RAB38: variants seen among roughly 807,000 people sequenced by gnomAD.
RAB38 encodes RAB38, member RAS oncogene family, also known as ras-related protein Rab-38.
Under a neutral mutation model 18.4 loss-of-function variants are expected in RAB38, and 15 were observed. The ratio of observed to expected loss-of-function variants is 0.82; its 90% CI spans 0.55 to 1.26. The LOEUF (loss-of-function observed/expected upper bound fraction) is 1.26. Ranked by LOEUF, RAB38 falls within the 50% of genes most tolerant of loss-of-function variation. The probability of loss-of-function intolerance (pLI) is 0.00; values close to 1 mark genes in which losing one functional copy is unlikely to be tolerated. For synonymous variants in RAB38, 101 were observed against 104.4 expected (o/e 0.97, Z 0.20); for missense variants, 294 against 267.4 (o/e 1.10, Z -0.69).
chr11:88,133,472 C>A (rs1176050071), intron 2 of RAB38, among the ~76,000 whole-genome samples: 1 of 152,110 alleles, frequency 6.6e-6, no homozygotes, highest in African/African-American at 2.4e-5. Flanking sequence ...CTACTATGCT[C>A]TTTAAGTTAG....
chr11:87,959,568 T>C, the RAB38 span, among the ~76,000 whole-genome samples: 4 of 152,226 alleles, frequency 2.6e-5, no homozygotes, highest in African/African-American at 9.6e-5. Flanking sequence ...CAACAGCTCC[T>C]GAATTTGTAT....
chr11:88,137,277 A>C (rs755949441), intron 2 of RAB38, among the ~76,000 whole-genome samples: 20 of 152,226 alleles, frequency 1.3e-4, no homozygotes, highest in African/African-American at 7.2e-5. Flanking sequence ...GGGACCATCA[A>C]CATAAAATAG....
the RAB38 span, among the ~76,000 whole-genome samples, chr11:87,833,795 A>G: frequency 1.3e-5 from 2 of 152,218 alleles, no homozygotes; most frequent in African/African-American, 4.8e-5. Flanking sequence ...CTAATGAGGT[A>G]TGCATGTGTT....
chr11:87,977,348 T>A, the RAB38 span, among the ~76,000 whole-genome samples: 2 of 118,764 alleles, frequency 1.7e-5, no homozygotes, highest in Non-Finnish European at 3.2e-5. Flanking sequence ...TAAAATTATA[T>A]ATTATATAAG....
the RAB38 span, among the ~76,000 whole-genome samples, chr11:87,922,057 C>T: frequency 0.088 from 13,407 of 151,970 alleles, 1,522 homozygotes; most frequent in African/African-American, 0.27. Context: ...AAACATATAC[C>T]AAGTGAGAAT....
At chr11:88,163,057 C>T (rs1189775859) in intron 1 of RAB38, among the ~76,000 whole-genome samples, 1 of 152,148 alleles carries the variant, frequency 6.6e-6, no homozygotes, top group Non-Finnish European at 1.5e-5. Context: ...CACTGACTAA[C>T]TGGATCATTC....
At chr11:87,971,514 G>T in the RAB38 span, among the ~76,000 whole-genome samples, 8 of 152,180 alleles carry the variant, frequency 5.3e-5, no homozygotes, top group Non-Finnish European at 1.0e-4. Context: ...CTCCCTTCCC[G>T]TCACACCTGT....
Position 88,113,872 on chromosome 11 carries a change from C to T in RAB38, c.*116G>A. On this transcript the variant is annotated 3_prime_UTR_variant, in exon 3 of 3. Coordinates refer to ENST00000243662, the MANE Select transcript of RAB38 (RefSeq NM_022337.3). The stretch of plus-strand genomic sequence containing the variant: ...TCACTGAAAAAACAGAGGCATAGAT[C>T]TTTGGCTTGCCACATGTGGTATCTC... The T allele has an allele frequency of 3.2e-6, 4 of 1,246,708 alleles. No individual in the cohort carries two copies. Among genetic ancestry groups the T allele is most frequent in the South Asian group, 1.4e-5 (1 of 71,658 alleles). 77.2% of individuals were successfully genotyped at this position (1,246,708 alleles called of 1,614,324 possible).
intron 2 of RAB38, among the ~76,000 whole-genome samples, chr11:88,148,936 T>A (rs980254119): frequency 1.3e-5 from 2 of 152,116 alleles, no homozygotes; most frequent in African/African-American, 4.8e-5. Flanking sequence ...TTTTTTCTCC[T>A]GTGATACTGA....
At chr11:88,078,639 T>C in the RAB38 span, among the ~76,000 whole-genome samples, 4 of 151,898 alleles carry the variant, frequency 2.6e-5, no homozygotes, top group Non-Finnish European at 5.9e-5. Context: ...AGACAGATGC[T>C]GTATGTTCTC....
the RAB38 span, among the ~76,000 whole-genome samples, chr11:87,861,636 A>G: frequency 6.6e-6 from 1 of 151,802 alleles, no homozygotes; most frequent in East Asian, 1.9e-4. Flanking sequence ...TGTTTTGAGA[A>G]AGCCAAAATT....
the RAB38 span, among the ~76,000 whole-genome samples, chr11:88,003,872 A>AT: frequency 4.5e-3 from 13 of 2,870 alleles, 3 homozygotes; most frequent in East Asian, 0.033. Context: ...ATATAATTAT[A>AT]TATTTATATA....
chr11:88,007,422 A>G, the RAB38 span, among the ~76,000 whole-genome samples: 2 of 113,250 alleles, frequency 1.8e-5, no homozygotes, highest in Non-Finnish European at 4.8e-5. Flanking sequence ...CTGCAAATCA[A>G]TAATAAGTTG....
the RAB38 span, among the ~76,000 whole-genome samples, chr11:87,939,751 G>C: frequency 6.6e-6 from 1 of 152,032 alleles, no homozygotes. Flanking sequence ...AATTAGTTAG[G>C]CATGGTGGCT....
chr11:88,164,856 T>A (rs1259942102), intron 1 of RAB38, among the ~76,000 whole-genome samples: 1 of 152,026 alleles, frequency 6.6e-6, no homozygotes, highest in Non-Finnish European at 1.5e-5. Context: ...ACACAATACA[T>A]GCATACAGAT....
At chr11:87,913,980 T>G in the RAB38 span, among the ~76,000 whole-genome samples, 1 of 152,102 alleles carries the variant, frequency 6.6e-6, no homozygotes, top group South Asian at 2.1e-4. Flanking sequence ...TTTTGGATAT[T>G]CTGTTATAAG....
At chr11:88,077,003 G>A in the RAB38 span, among the ~76,000 whole-genome samples, 3 of 101,034 alleles carry the variant, frequency 3.0e-5, no homozygotes, top group Non-Finnish European at 4.4e-5. Flanking sequence ...GAAAAGAAAA[G>A]AAAAGAAAAG....
chr11:88,145,415 G>C (rs555814639), intron 2 of RAB38, among the ~76,000 whole-genome samples: 1 of 152,184 alleles, frequency 6.6e-6, no homozygotes, highest in African/African-American at 2.4e-5. Flanking sequence ...CCAAAGTGCT[G>C]AGATTACAGC....
the RAB38 span, among the ~76,000 whole-genome samples, chr11:88,085,949 G>A: frequency 9.7e-4 from 147 of 152,010 alleles, 1 homozygote; most frequent in African/African-American, 3.3e-3. Context: ...AGAAGAGAAA[G>A]GCAGCTTAGT....
Sources: gnomAD v4.1 joint callset for allele counts (sites outside exome capture counted in the v4.1 genomes callset) on GRCh38, gnomAD v4.1.1 for gene constraint, MANE v1.5 for transcripts, NCBI Gene and HGNC (gene_info 2026-07-23, HGNC 2026-07-21) for gene names.